WDR77: variants seen among roughly 807,000 people sequenced by gnomAD.
WDR77 encodes the protein methylosome protein WDR77.
WDR77 carries 31 observed loss-of-function variants against 44.0 expected under a neutral mutation model. That is an observed-to-expected ratio of 0.70 (90% CI 0.53 to 0.95). The LOEUF is 0.95. Ranked by LOEUF, WDR77 falls within the 40% of genes least tolerant of loss-of-function variation. The pLI, the probability that WDR77 is intolerant of heterozygous loss-of-function variation, is 0.00. For missense variants in WDR77, 390 were observed against 423.9 expected, an observed-to-expected ratio of 0.92 and a Z score of 0.70; for synonymous variants, 186 against 165.7, an observed-to-expected ratio of 1.12 and a Z score of -0.94.
intron 2 of WDR77, 50 bp from the exon 3 acceptor site, chr1:111,447,626 G>C: frequency 1.8e-5 from 29 of 1,601,442 alleles, no homozygotes; most frequent in Non-Finnish European, 2.4e-5. Flanking sequence ...TACCAAGGCA[G>C]TAATTCACTT....
At chr1:111,443,765 C>T (rs975708492) in intron 6 of WDR77, 102 bp downstream of exon 6, 5 of 1,579,668 alleles carry the variant, frequency 3.2e-6, no homozygotes, top group Admixed American at 1.8e-5. Context: ...GTCACAGTAA[C>T]TACACTGGGC....
chr1:111,449,004 G>A (rs771213708), intron 1 of WDR77, 51 bp downstream of exon 1: 6 of 1,545,488 alleles, frequency 3.9e-6, no homozygotes, highest in Admixed American at 1.9e-5. Context: ...TCCGGGGAGG[G>A]GCGCCCTGGG....
At position 111,440,381 on chromosome 1, in the gene WDR77, AT is replaced by A. The variant is rs756938472; in HGVS notation, c.*848del. ...TAAATACTGCATTCAGACTTTCCAC[AT>A]CAAGAGAAAGGGGACCAGGGCAGAA... is the stretch of plus-strand genomic sequence containing the variant. On this transcript the variant is annotated 3_prime_UTR_variant, in exon 10 of 10. Coordinates refer to ENST00000235090, the MANE Select transcript of WDR77 (RefSeq NM_024102.4). 2 of 152,244 alleles carry A rather than the reference AT, an allele frequency of 1.3e-5. No homozygotes were observed. Among genetic ancestry groups the A allele is most frequent in the Non-Finnish European group, 2.9e-5 (2 of 68,036 alleles). 9.4% of individuals were successfully genotyped at this position (152,244 alleles called of 1,614,324 possible). A position where few individuals can be genotyped will look rare whatever the true frequency, so the allele number is the denominator to read the frequency against.
intron 8 of WDR77, 25 bp from the exon 9 acceptor site, chr1:111,442,118 G>A: frequency 5.0e-6 from 8 of 1,609,654 alleles, no homozygotes; most frequent in Non-Finnish European, 6.8e-6. Context: ...AGAGGGTTGT[G>A]AAAGGTCCAG....
intron 4 of WDR77, 174 bp downstream of exon 4, chr1:111,446,921 A>C: frequency 1.5e-6 from 1 of 667,600 alleles, no homozygotes; most frequent in East Asian, 2.7e-5. Context: ...AAAAAAAAGA[A>C]AGAAAGAAAC....
At position 111,441,020 on chromosome 1, in the gene WDR77, T is replaced by C; in HGVS notation, c.*210A>G. On this transcript the variant is annotated 3_prime_UTR_variant, in exon 10 of 10. Transcript: ENST00000235090. ...ATCTACACACACACTCACACGCACATACATGTCCATTTTTAAGAAAGCTTT... is the reference window on the plus strand; with the variant it reads ...ATCTACACACACACTCACACGCACACACATGTCCATTTTTAAGAAAGCTTT... The C allele has an allele frequency of 2.5e-6, 1 of 404,746 alleles. No individual in the cohort carries two copies. The highest frequency in any genetic ancestry group is 4.2e-6 in the Non-Finnish European group (1 of 239,038). 25.1% of individuals were successfully genotyped at this position (404,746 alleles called of 1,614,324 possible).
In WDR77 at chr1:111,449,060, C is replaced by A. The variant is rs1474146731; in HGVS notation, c.110G>T (p.Arg37Leu). 1.3e-6 allele frequency: 2 copies of A among 1,589,236 alleles called. No homozygotes were observed. The highest frequency in any genetic ancestry group is 1.7e-6 in the Non-Finnish European group (2 of 1,169,370). Reference protein sequence around the residue: ...MERQLEAARYRSDGALLLGAS... With the variant: ...MERQLEAARYLSDGALLLGAS... ...GGCCCGGGATCTCGGCTCACCGGAC[C>A]GGTACCGCGCAGCCTCCAACTGCCG... The change falls in exon 1 of 10, where the codon CGG becomes CTG. Residue 37 changes from arginine to leucine, a missense_variant. Arg to Leu is a moderately radical substitution (Grantham distance 102). Transcript: ENST00000235090.
chr1:111,441,368 T>G lies in WDR77; in HGVS notation c.891A>C (p.Arg297Ser). 1 of 1,545,652 alleles carries G rather than the reference T, an allele frequency of 6.5e-7. No individual in the cohort carries two copies. Among genetic ancestry groups the G allele is most frequent in the Non-Finnish European group, 8.8e-7 (1 of 1,142,390 alleles). The change falls in exon 10 of 10, where the codon AGA (arginine) becomes AGC (serine). Residue 297 changes from arginine (R) to serine (S), a missense_variant. Arg to Ser is a moderately radical substitution (Grantham distance 110, BLOSUM62 -1). Transcript: ENST00000235090. Reference sequence around the variant, plus strand: ...ACCAAGTCGCATCTCTCACAAAGTCTCTGTGGGCTTGGCTTCTAAACCTAG... The same window carrying G: ...ACCAAGTCGCATCTCTCACAAAGTCGCTGTGGGCTTGGCTTCTAAACCTAG... The part of the protein sequence containing the change: ...LSELFRSQAH[R>S]DFVRDATWSP...
Position 111,441,143 on chromosome 1 carries a change from A to G in WDR77, c.*87T>C, listed in dbSNP as rs187786920. The G allele has an allele frequency of 4.6e-5, 61 of 1,312,964 alleles. 1 individual carries two copies. In the Admixed American group the frequency reaches 1.2e-3, roughly 25 times the overall value. 81.3% of individuals were successfully genotyped at this position (1,312,964 alleles called of 1,614,324 possible). On this transcript the variant is annotated 3_prime_UTR_variant, in exon 10 of 10. Transcript: ENST00000235090. ...GATCTAGCATATCAACATACTATAGAAGGCTCCTGTGTTGTCTCACAAGCT... is the reference window on the plus strand; with the variant it reads ...GATCTAGCATATCAACATACTATAGGAGGCTCCTGTGTTGTCTCACAAGCT...
At position 111,447,092 on chromosome 1, in the gene WDR77, C is replaced by T. The variant is rs1322803465; in HGVS notation, c.493+3G>A. ...CCAGGGCTAAAAATGAAAGAATACTCACCTCGGTATGAACTCAGTACCACC... is the reference window on the plus strand; with the variant it reads ...CCAGGGCTAAAAATGAAAGAATACTTACCTCGGTATGAACTCAGTACCACC... On this transcript the variant is annotated splice_donor_region_variant and intron_variant, in intron 4 of 9. Coordinates refer to ENST00000235090, the MANE Select transcript of WDR77 (RefSeq NM_024102.4). 1 of 1,613,942 alleles carries T rather than the reference C, an allele frequency of 6.2e-7. No homozygotes were observed. Among genetic ancestry groups the T allele is most frequent in the Admixed American group, 1.7e-5 (1 of 60,000 alleles).
chr1:111,446,650 A>C (rs1029816313), intron 4 of WDR77: 1 of 156,090 alleles, frequency 6.4e-6, no homozygotes, highest in Non-Finnish European at 1.4e-5. Flanking sequence ...CGGGCATAGA[A>C]ATGGACAGGA....
chr1:111,444,319 C>T (rs1403283348), intron 4 of WDR77, among the ~76,000 whole-genome samples, 195 bp from the exon 5 acceptor site: 2 of 151,050 alleles, frequency 1.3e-5, no homozygotes, highest in Non-Finnish European at 2.9e-5. Flanking sequence ...CCTAAAAAGC[C>T]TTGTAAAAAA....
Position 111,442,109 on chromosome 1 carries a change from G to C in WDR77, c.801-16C>G. 2 of 1,613,334 alleles carry C rather than the reference G, an allele frequency of 1.2e-6. No homozygotes were observed. The highest frequency in any genetic ancestry group is 8.5e-7 in the Non-Finnish European group (1 of 1,179,292). ...GAAGGGAACACTATCAGATGGAGGA[G>C]AGGGTTGTGAAAGGTCCAGCCTGGA... is the stretch of plus-strand genomic sequence containing the variant. On this transcript the variant is annotated splice_polypyrimidine_tract_variant and intron_variant, in intron 8 of 9. Coordinates refer to ENST00000235090, the MANE Select transcript of WDR77 (RefSeq NM_024102.4).
intron 6 of WDR77, chr1:111,443,644 A>G (rs1279170444): frequency 1.0e-6 from 1 of 985,050 alleles, no homozygotes; most frequent in East Asian, 1.1e-4. Flanking sequence ...TTGTCCTACC[A>G]TCTAATAAAG....
chr1:111,443,569 C>T (rs1652900458), intron 6 of WDR77, 175 bp from the exon 7 acceptor site: 1 of 886,984 alleles, frequency 1.1e-6, no homozygotes, highest in African/African-American at 1.8e-5. Context: ...GCCTCCTGCC[C>T]TTTCTGGACA....
intron 2 of WDR77, among the ~76,000 whole-genome samples, chr1:111,448,360 G>C (rs1653141999): frequency 6.6e-6 from 1 of 152,174 alleles, no homozygotes; most frequent in Non-Finnish European, 1.5e-5. Context: ...TAAGGGGCAG[G>C]TTACACAGAA....
chr1:111,448,252 G>C (rs1323690143), intron 2 of WDR77, among the ~76,000 whole-genome samples: 1 of 151,710 alleles, frequency 6.6e-6, no homozygotes, highest in Non-Finnish European at 1.5e-5. Context: ...GCAGAATGAA[G>C]ACAAGAAAGC....
In WDR77 at chr1:111,449,044, T is replaced by G. The variant is rs1259874014; in HGVS notation, c.115+11A>C. 6.4e-7 allele frequency: 1 copy of G among 1,574,418 alleles called. No homozygotes were observed. The highest frequency in any genetic ancestry group is 2.3e-5 in the East Asian group (1 of 42,886). On this transcript the variant is annotated intron_variant, in intron 1 of 9. Transcript: ENST00000235090. ...GGTAAGGGAGCTCCCAGGCCCGGGATCTCGGCTCACCGGACCGGTACCGCG... is the reference window on the plus strand; with the variant it reads ...GGTAAGGGAGCTCCCAGGCCCGGGAGCTCGGCTCACCGGACCGGTACCGCG...
In WDR77 at chr1:111,442,096, A is replaced by G. The variant is rs1284222426; in HGVS notation, c.801-3T>C. The G allele has an allele frequency of 6.2e-7, 1 of 1,613,846 alleles. No individual in the cohort carries two copies. The highest frequency in any genetic ancestry group is 1.7e-5 in the Admixed American group (1 of 60,014). ...TGAGAGAGGCCAGGAAGGGAACACT[A>G]TCAGATGGAGGAGAGGGTTGTGAAA... On this transcript the variant is annotated splice_region_variant and splice_polypyrimidine_tract_variant and intron_variant, in intron 8 of 9. Transcript: ENST00000235090.
Sources: gnomAD v4.1 joint callset for allele counts (sites outside exome capture counted in the v4.1 genomes callset) on GRCh38, gnomAD v4.1.1 for gene constraint, MANE v1.5 for transcripts, NCBI Gene and HGNC (gene_info 2026-07-23, HGNC 2026-07-21) for gene names.